The following EHMT1 variants were observed in gnomAD, a reference collection of about 807,000 sequenced individuals.
EHMT1 encodes histone-lysine N-methyltransferase EHMT1.
EHMT1 carries 15 observed loss-of-function variants against 147.2 expected under a neutral mutation model. That is an observed-to-expected ratio of 0.10 (90% CI 0.07 to 0.16). The LOEUF (loss-of-function observed/expected upper bound fraction) is 0.16, where lower values mean the gene tolerates loss of function less well. EHMT1 is among the 10% of genes least tolerant of loss of function. EHMT1 has a pLI of 1.00. For synonymous variants in EHMT1, 795 were observed against 709.6 expected (o/e 1.12, Z -1.91); for missense variants, 1,587 against 1,772.4 (o/e 0.90, Z 1.88).
chr9:137,784,305 T>C, intron 15 of EHMT1: 1 of 1,420,292 alleles, frequency 7.0e-7, no homozygotes. Flanking sequence ...CGTGGCTCCA[T>C]CTTCACAGCC....
rs537506028 is a variant in EHMT1 at position 137,762,579 on chromosome 9, C to T, written c.1502-96C>T. ...CAACCGCATTGCTTTCATTTCCTGG[C>T]GTGTGAGATCACTGTTGAGACTATA... On this transcript the variant is annotated intron_variant, in intron 9 of 26. Coordinates refer to ENST00000460843, the MANE Select transcript of EHMT1 (RefSeq NM_024757.5). 1.9e-5 allele frequency: 30 copies of T among 1,586,614 alleles called. No homozygotes were observed. The African/African-American group carries it at 2.4e-4, about 13-fold the overall frequency.
At chr9:137,714,122 T>G (rs565241535) in intron 2 of EHMT1, among the ~76,000 whole-genome samples, 1 of 152,320 alleles carries the variant, frequency 6.6e-6, no homozygotes, top group East Asian at 1.9e-4. Flanking sequence ...ATCTGCATTC[T>G]TTTTATTTCT....
chr9:137,804,829 A>G (rs1361012738), intron 18 of EHMT1, among the ~76,000 whole-genome samples: 1 of 152,104 alleles, frequency 6.6e-6, no homozygotes, highest in African/African-American at 2.4e-5. Flanking sequence ...TGAGAAAACC[A>G]TTCTTTCTAC....
At chr9:137,686,880 G>A (rs1258349899) in intron 1 of EHMT1, among the ~76,000 whole-genome samples, 4 of 151,868 alleles carry the variant, frequency 2.6e-5, no homozygotes, top group East Asian at 1.9e-4. Flanking sequence ...ACGGGCGCCC[G>A]CCACCGCGCC....
At chr9:137,628,459 AT>A (rs1276089887) in intron 1 of EHMT1, among the ~76,000 whole-genome samples, 6 of 152,172 alleles carry the variant, frequency 3.9e-5, no homozygotes, top group Admixed American at 2.0e-4. Context: ...TTTATAAAAC[AT>A]TTTGTAGAGA....
intron 14 of EHMT1, among the ~76,000 whole-genome samples, chr9:137,780,811 T>C (rs1448447102): frequency 4.5e-5 from 3 of 66,268 alleles, no homozygotes; most frequent in Admixed American, 1.6e-4. Context: ...GGCATCTCAC[T>C]GAGATGTGTG....
Position 137,811,541 on chromosome 9 carries a change from C to T in EHMT1, c.2793C>T (p.Asp931=), listed in dbSNP as rs1954483509. ...AGATCCTGCTGGCTGCCAAGTGCGA[C>T]CTCCACGCCGTGAACATCCACGGAG... ...IAEILLAAKC[D]LHAVNIHGDS... is the part of the protein sequence containing the mutation. The change falls in exon 19 of 27, where the codon GAC becomes GAT. Residue 931 remains aspartate (D), a synonymous_variant. Coordinates refer to ENST00000460843, the MANE Select transcript of EHMT1 (RefSeq NM_024757.5). The T allele has an allele frequency of 9.9e-6, 16 of 1,609,986 alleles. No individual in the cohort carries two copies. Among genetic ancestry groups the T allele is most frequent in the Non-Finnish European group, 1.3e-5 (15 of 1,180,020 alleles).
chr9:137,731,451 T>C lies in EHMT1; in HGVS notation c.823+2922T>C, dbSNP rs1947103352. ...ATGGTCATCAGTGCACCTTTCAACATGGCTGGAAAGACAGGAGTGCAGATG... is the reference window on the plus strand; with the variant it reads ...ATGGTCATCAGTGCACCTTTCAACACGGCTGGAAAGACAGGAGTGCAGATG... On this transcript the variant is annotated intron_variant, in intron 4 of 26. Transcript: ENST00000460843. The surrounding 1 kb of genome is among the most constrained non-coding windows in gnomAD (Gnocchi z 4.3). 6.6e-6 allele frequency among the ~76,000 whole-genome samples: 1 copy of C among 152,182 alleles called. No individual in the cohort carries two copies. Among genetic ancestry groups the C allele is most frequent in the South Asian group, 2.1e-4 (1 of 4,826 alleles).
At chr9:137,809,524 C>A (rs946814962) in intron 18 of EHMT1, among the ~76,000 whole-genome samples, 3 of 152,164 alleles carry the variant, frequency 2.0e-5, no homozygotes, top group Admixed American at 1.3e-4. Flanking sequence ...CCTCAGCCGC[C>A]GCAGCAAAGC....
At chr9:137,702,289 TATCTG>T (rs1943904018) in intron 1 of EHMT1, among the ~76,000 whole-genome samples, 1 of 152,168 alleles carries the variant, frequency 6.6e-6, no homozygotes, top group Non-Finnish European at 1.5e-5. Flanking sequence ...TCCAAAGTCT[TATCTG>T]AGACAAGGTA....
intron 1 of EHMT1, chr9:137,619,957 T>A (rs1240631583): frequency 5.9e-5 from 9 of 152,158 alleles, no homozygotes; most frequent in Admixed American, 4.6e-4. Context: ...AGTATTTCTT[T>A]GAAATTAACT....
intron 16 of EHMT1, chr9:137,791,958 C>T: frequency 2.6e-6 from 1 of 386,854 alleles, no homozygotes; most frequent in Non-Finnish European, 5.4e-6. Flanking sequence ...GTCTCGAACT[C>T]CTGACCTCAG....
chr9:137,643,316 A>G (rs558867517), intron 1 of EHMT1, among the ~76,000 whole-genome samples: 2 of 148,782 alleles, frequency 1.3e-5, no homozygotes, highest in Non-Finnish European at 3.0e-5. Flanking sequence ...TTCCTTTATG[A>G]AGGTAGTTTT....
At chr9:137,814,138 A>G in intron 21 of EHMT1, 1 of 427,910 alleles carries the variant, frequency 2.3e-6, no homozygotes, top group Non-Finnish European at 4.3e-6. Flanking sequence ...TCTGGCCACA[A>G]ATGCAGCCGC....
At chr9:137,710,476 A>G (rs1223304069) in intron 1 of EHMT1, among the ~76,000 whole-genome samples, 1 of 152,220 alleles carries the variant, frequency 6.6e-6, no homozygotes, top group East Asian at 1.9e-4. Context: ...TGTCTCAACA[A>G]AAAAATTGTA....
rs761398083 is a variant in EHMT1, at chr9:137,777,793, C to G, written c.2019-89C>G. On this transcript the variant is annotated intron_variant, in intron 12 of 26. Coordinates refer to ENST00000460843, the MANE Select transcript of EHMT1 (RefSeq NM_024757.5). ...ACAGTAAGCAAATCCGCAGCTCTCA[C>G]TTAGAAAACAGCGCTCTCGGGCAGT... 7 of 1,569,782 alleles carry G rather than the reference C, an allele frequency of 4.5e-6. No homozygotes were observed. The South Asian group carries it at 6.6e-5, about 15-fold the overall frequency.
rs1029246040 is a variant in EHMT1, at chr9:137,699,657, A to G, written c.22-11310A>G. Among the ~76,000 whole-genome samples the G allele has an allele frequency of 8.7e-5, 13 of 149,694 alleles. No individual in the cohort carries two copies. In the Admixed American group the frequency reaches 8.7e-4, roughly 10 times the overall value. On this transcript the variant is annotated intron_variant, in intron 1 of 26. Coordinates refer to ENST00000460843, the MANE Select transcript of EHMT1 (RefSeq NM_024757.5). ...GCCACTGCATTCCAGCCTGGGTGAC[A>G]GAGCAAGACTCTGTCTCAAAAAAAA...
At chr9:137,760,909 G>A (rs1432406395) in intron 9 of EHMT1, among the ~76,000 whole-genome samples, 2 of 152,256 alleles carry the variant, frequency 1.3e-5, no homozygotes, top group Non-Finnish European at 2.9e-5. Context: ...TTGGGAGGCT[G>A]AGGCGGGAGA....
chr9:137,726,318 G>A (rs1220977709), intron 3 of EHMT1, among the ~76,000 whole-genome samples: 1 of 152,088 alleles, frequency 6.6e-6, no homozygotes, highest in Non-Finnish European at 1.5e-5. Context: ...TCTACTTTCT[G>A]TGTCCATCAG....
Sources: gnomAD v4.1 joint callset for allele counts (sites outside exome capture counted in the v4.1 genomes callset) on GRCh38, gnomAD v4.1.1 for gene constraint, Gnocchi (gnomAD v3.1) non-coding constraint, MANE v1.5 for transcripts, NCBI Gene and HGNC (gene_info 2026-07-23, HGNC 2026-07-21) for gene names.